Variants in STARD13 observed in about 807,000 individuals in gnomAD.
STARD13 encodes the protein StAR related lipid transfer domain containing 13.
Under a neutral mutation model 106.4 loss-of-function variants are expected in STARD13, and 62 were observed. The ratio of observed to expected loss-of-function variants is 0.58; its 90% CI spans 0.48 to 0.72. The LOEUF (loss-of-function observed/expected upper bound fraction) is 0.72, where lower values mean the gene tolerates loss of function less well. Ranked by LOEUF, STARD13 falls within the 30% of genes least tolerant of loss-of-function variation. The pLI is 0.00. For synonymous variants in STARD13, 565 were observed against 553.0 expected, an observed-to-expected ratio of 1.02 and a Z score of -0.31; for missense variants, 1,387 against 1,424.0, an observed-to-expected ratio of 0.97 and a Z score of 0.42.
chr13:33,244,912 G>C (rs531006984), intron 1 of STARD13, among the ~76,000 whole-genome samples: 27 of 152,078 alleles, frequency 1.8e-4, no homozygotes, highest in Non-Finnish European at 3.1e-4. Flanking sequence ...ATTTGAATTC[G>C]GTTGTCATGT....
At chr13:33,554,176 A>T in the STARD13 span, among the ~76,000 whole-genome samples, 7 of 152,344 alleles carry the variant, frequency 4.6e-5, no homozygotes, top group South Asian at 1.4e-3. Flanking sequence ...AGGGAGGAAC[A>T]TTAAATACTC....
rs781715760 is a variant in STARD13 at position 33,129,235 on chromosome 13, T to C, written c.1442A>G (p.Asp481Gly). 6.8e-6 allele frequency: 11 copies of C among 1,614,100 alleles called. No individual in the cohort carries two copies. The South Asian group carries it at 1.2e-4, about 18-fold the overall frequency. Residue 481 changes from aspartate to glycine, a missense_variant, in exon 5 of 14, where the codon GAC (aspartate) becomes GGC (glycine). Coordinates refer to ENST00000336934, the MANE Select transcript of STARD13 (RefSeq NM_178006.4). ...AATGTCATCCAAGTGAGGGAAAAGGTCATCTTTCTCCAAGTCCAAAAGATC... is the reference window on the plus strand; with the variant it reads ...AATGTCATCCAAGTGAGGGAAAAGGCCATCTTTCTCCAAGTCCAAAAGATC... ...TGDLLDLEKD[D>G]LFPHLDDILQ...
the STARD13 span, among the ~76,000 whole-genome samples, chr13:33,573,839 A>G: frequency 6.6e-6 from 1 of 152,188 alleles, no homozygotes; most frequent in Non-Finnish European, 1.5e-5. Flanking sequence ...TACCACCAGT[A>G]TCCTGTGACC....
At chr13:33,298,296 A>AT (rs10718236) in intron 1 of STARD13, among the ~76,000 whole-genome samples, 1,380 of 137,922 alleles carry the variant, frequency 0.01, 14 homozygotes, top group African/African-American at 0.03. Context: ...TGCTCAGCTA[A>AT]TTTTTTTTTT....
At chr13:33,541,382 C>T in the STARD13 span, among the ~76,000 whole-genome samples, 3 of 152,272 alleles carry the variant, frequency 2.0e-5, no homozygotes, top group Middle Eastern at 6.8e-3. Flanking sequence ...CCCTTTTCTT[C>T]CCCTTTGGAT....
At chr13:33,395,578 T>C in the STARD13 span, among the ~76,000 whole-genome samples, 6 of 152,158 alleles carry the variant, frequency 3.9e-5, no homozygotes, top group Non-Finnish European at 7.4e-5. Flanking sequence ...TGGTTGATTT[T>C]GGAAAAAAGA....
At chr13:33,442,585 T>A in the STARD13 span, among the ~76,000 whole-genome samples, 1 of 152,194 alleles carries the variant, frequency 6.6e-6, no homozygotes, top group African/African-American at 2.4e-5. Context: ...CGAGGTATCA[T>A]GATGAGATAA....
chr13:33,435,884 A>T, the STARD13 span, among the ~76,000 whole-genome samples: 662 of 152,328 alleles, frequency 4.3e-3, 6 homozygotes, highest in African/African-American at 0.015. Context: ...TTGTCACTAC[A>T]ATTAAATTCT....
At chr13:33,220,943 T>A (rs1888323263) in intron 1 of STARD13, among the ~76,000 whole-genome samples, 2 of 152,190 alleles carry the variant, frequency 1.3e-5, no homozygotes, top group African/African-American at 4.8e-5. Flanking sequence ...TGAATATCGT[T>A]GGAGCAGTTA....
chr13:33,259,572 C>G (rs1433748715), intron 1 of STARD13, among the ~76,000 whole-genome samples: 1 of 152,096 alleles, frequency 6.6e-6, no homozygotes, highest in African/African-American at 2.4e-5. Context: ...AAAGAGAGCA[C>G]TGAAAGTGGT....
chr13:33,243,451 A>G lies in STARD13; in HGVS notation c.169+42019T>C, dbSNP rs950520412. Among the ~76,000 whole-genome samples, 13 of 152,194 alleles carry G rather than the reference A, an allele frequency of 8.5e-5. 1 individual carries two copies. In the South Asian group the frequency reaches 2.3e-3, roughly 27 times the overall value. ...AGAGTACCTGGGTGTGGGAAGGGCT[A>G]CACCACAGCCAAGAGTGAAGGGCCT... On this transcript the variant is annotated intron_variant, in intron 1 of 13. Coordinates refer to ENST00000336934, the MANE Select transcript of STARD13 (RefSeq NM_178006.4).
At chr13:33,458,776 G>A in the STARD13 span, among the ~76,000 whole-genome samples, 3 of 151,292 alleles carry the variant, frequency 2.0e-5, no homozygotes, top group Non-Finnish European at 4.4e-5. Context: ...TCTTCCTCTG[G>A]GCGCTTCTGA....
chr13:33,622,093 C>A, the STARD13 span, among the ~76,000 whole-genome samples: 1 of 152,030 alleles, frequency 6.6e-6, no homozygotes, highest in African/African-American at 2.4e-5. Flanking sequence ...GTGTGAGCCA[C>A]TGTGGAGGCC....
At chr13:33,471,500 G>A in the STARD13 span, among the ~76,000 whole-genome samples, 1 of 152,138 alleles carries the variant, frequency 6.6e-6, no homozygotes, top group African/African-American at 2.4e-5. Context: ...TTTACTTTCA[G>A]AATGGGAAGG....
the STARD13 span, among the ~76,000 whole-genome samples, chr13:33,446,551 T>C: frequency 6.6e-6 from 1 of 152,192 alleles, no homozygotes; most frequent in Non-Finnish European, 1.5e-5. Context: ...CATTGCTATA[T>C]AAAAATCTCA....
the STARD13 span, among the ~76,000 whole-genome samples, chr13:33,549,219 C>A: frequency 2.0e-5 from 3 of 152,104 alleles, no homozygotes; most frequent in African/African-American, 7.2e-5. Context: ...AGATGTGTTG[C>A]TATAGCTATA....
At chr13:33,667,482 A>T in the STARD13 span, among the ~76,000 whole-genome samples, 2 of 152,242 alleles carry the variant, frequency 1.3e-5, no homozygotes, top group Admixed American at 6.5e-5. Flanking sequence ...GTTCATATAG[A>T]TGCACATGTA....
At chr13:33,134,128 A>G (rs1304936398) in intron 4 of STARD13, among the ~76,000 whole-genome samples, 1 of 152,214 alleles carries the variant, frequency 6.6e-6, no homozygotes, top group African/African-American at 2.4e-5. Flanking sequence ...ACACAACTGA[A>G]AATAGGTTCC....
chr13:33,298,121 GTTTTTTTTTT>G (rs71071090), intron 1 of STARD13, among the ~76,000 whole-genome samples: 5 of 51,914 alleles, frequency 9.6e-5, no homozygotes, highest in Admixed American at 3.2e-4. Flanking sequence ...CCCATCTACA[GTTTTTTTTTT>G]TTTTTTTTTT....
Sources: allele counts gnomAD v4.1 joint callset (sites outside exome capture counted in the v4.1 genomes callset), GRCh38; gene constraint gnomAD v4.1.1; transcripts MANE v1.5; gene names NCBI Gene and HGNC (gene_info 2026-07-23, HGNC 2026-07-21).